The following OC90 variants were observed in gnomAD, a reference collection of about 807,000 sequenced individuals.
OC90 encodes otoconin-90.
In OC90, 46 loss-of-function variants were observed where a neutral mutation model predicts 47.3. That is an observed-to-expected ratio of 0.97 (90% CI 0.77 to 1.24). The LOEUF (loss-of-function observed/expected upper bound fraction) is 1.24, where lower values mean the gene tolerates loss of function less well. OC90 is among the 50% of genes most tolerant of loss of function. OC90 has a pLI of 0.00. For synonymous variants in OC90, 271 were observed against 219.5 expected (o/e 1.23, Z -2.07); for missense variants, 688 against 583.9 (o/e 1.18, Z -1.84).
chr8:132,028,651 G>GAATA (rs1822810100), intron 13 of OC90, among the ~76,000 whole-genome samples: 1 of 122,138 alleles, frequency 8.2e-6, no homozygotes, highest in African/African-American at 3.4e-5. Context: ...AGGAAGGAAG[G>GAATA]AAGAAAGAAA....
rs929330413 is a variant in OC90 at position 132,058,407 on chromosome 8, G to A, written c.-48+934C>T. ...GTGCTGTCCTTGTGGGCCTGAGAAGGCTCCCGAAGCCTCGCCTTGGTCTGC... is the reference window on the plus strand; with the variant it reads ...GTGCTGTCCTTGTGGGCCTGAGAAGACTCCCGAAGCCTCGCCTTGGTCTGC... On this transcript the variant is annotated intron_variant, in intron 1 of 13. Transcript: ENST00000254627. Among the ~76,000 whole-genome samples, 3 of 152,154 alleles carry A rather than the reference G, an allele frequency of 2.0e-5. No homozygotes were observed. The South Asian group carries it at 6.2e-4, about 32-fold the overall frequency.
At chr8:132,058,551 G>A (rs1823304910) in intron 1 of OC90, among the ~76,000 whole-genome samples, 1 of 152,246 alleles carries the variant, frequency 6.6e-6, no homozygotes, top group Admixed American at 6.5e-5. Flanking sequence ...TGGGGTCAGG[G>A]AGTTCAGGCT....
Position 132,039,010 on chromosome 8 carries a change from G to A in OC90, c.571C>T (p.Leu191=). 1 of 1,613,974 alleles carries A rather than the reference G, an allele frequency of 6.2e-7. No homozygotes were observed. Among genetic ancestry groups the A allele is most frequent in the Non-Finnish European group, 8.5e-7 (1 of 1,179,894 alleles). ...TTCTTCCTACCTGGAGTCTGAGCCAGGCAGAAGGAGGTGTCCAGAAGGTTC... is the reference window on the plus strand; with the variant it reads ...TTCTTCCTACCTGGAGTCTGAGCCAAGCAGAAGGAGGTGTCCAGAAGGTTC... The part of the protein sequence containing the change: ...SLNLLDTSFC[L]AQTPETTIKE... The change falls in exon 7 of 14, where the codon CTG becomes TTG. Residue 191 remains leucine, a synonymous_variant. Coordinates refer to ENST00000254627, the MANE Select transcript of OC90 (RefSeq NM_001080399.3).
At chr8:132,042,994 G>A (rs997593961) in intron 4 of OC90, among the ~76,000 whole-genome samples, 1 of 152,184 alleles carries the variant, frequency 6.6e-6, no homozygotes, top group Non-Finnish European at 1.5e-5. Flanking sequence ...ATTCACAATA[G>A]CAAAGACATG....
chr8:132,038,977 C>T lies in OC90; in HGVS notation c.586+18G>A. The stretch of plus-strand genomic sequence containing the variant: ...CAGATCCTCAGCCCCACGGCTGATG[C>T]AGCCAGGTTCTTCCTACCTGGAGTC... On this transcript the variant is annotated intron_variant, in intron 7 of 13. Transcript: ENST00000254627. The T allele has an allele frequency of 6.8e-6, 11 of 1,613,934 alleles. No homozygotes were observed. Among genetic ancestry groups the T allele is most frequent in the South Asian group, 1.1e-5 (1 of 91,082 alleles).
In OC90 at chr8:132,031,873, C is replaced by T; in HGVS notation, c.1031+8G>A. 1 of 1,613,290 alleles carries T rather than the reference C, an allele frequency of 6.2e-7. No homozygotes were observed. The highest frequency in any genetic ancestry group is 8.5e-7 in the Non-Finnish European group (1 of 1,179,496). On this transcript the variant is annotated splice_region_variant and intron_variant, in intron 12 of 13. Transcript: ENST00000254627. ...TACACCAGAGCTGTCACCGCTGGCT[C>T]TCCATACCTGTCTAGGTCATCCCTT... is the stretch of plus-strand genomic sequence containing the variant.
intron 12 of OC90, among the ~76,000 whole-genome samples, chr8:132,030,139 T>A (rs890266917): frequency 6.6e-6 from 1 of 152,210 alleles, no homozygotes; most frequent in Non-Finnish European, 1.5e-5. Context: ...CACAATCTTG[T>A]GTGTGTATTT....
At chr8:132,029,589 C>A (rs1393667898) in intron 12 of OC90, among the ~76,000 whole-genome samples, 1 of 152,130 alleles carries the variant, frequency 6.6e-6, no homozygotes, top group South Asian at 2.1e-4. Context: ...TTACTCCCTC[C>A]AATCTTTGAC....
chr8:132,031,923 C>G lies in OC90; in HGVS notation c.989G>C (p.Cys330Ser). ...PEEFESYGCY[C>S]GQEGRGEPRD... ...TGGCTCGCCTCTTCCTTCTTGTCCA[C>G]AGTAACAGCCATAAGACTCAAATTC... The change falls in exon 12 of 14, where the codon TGT (cysteine) becomes TCT (serine). Residue 330 changes from cysteine to serine, a missense_variant. Coordinates refer to ENST00000254627, the MANE Select transcript of OC90 (RefSeq NM_001080399.3). 6.2e-7 allele frequency: 1 copy of G among 1,614,040 alleles called. No individual in the cohort carries two copies. The highest frequency in any genetic ancestry group is 1.3e-5 in the African/African-American group (1 of 75,064).
rs912150042 is a variant in OC90 at position 132,036,279 on chromosome 8, G to C, written c.679+1159C>G. The C allele has an allele frequency of 1.3e-5, 10 of 759,580 alleles. No homozygotes were observed. In the Admixed American group the frequency reaches 1.8e-4, roughly 14 times the overall value. 47.1% of individuals were successfully genotyped at this position (759,580 alleles called of 1,614,324 possible). A position where few individuals can be genotyped will look rare whatever the true frequency, so the allele number is the denominator to read the frequency against. On this transcript the variant is annotated intron_variant, in intron 9 of 13. Coordinates refer to ENST00000254627, the MANE Select transcript of OC90 (RefSeq NM_001080399.3). ...TATTTATTTCAGGTTCCATTAAGAA[G>C]TGGTCACAGGACTGAGCACAGATTT...
rs1822797031 is a variant in OC90 at position 132,028,526 on chromosome 8, A to AAAGAAAGAAAGAAAGAAAGAAAG, written c.1138+546_1138+547insCTTTCTTTCTTTCTTTCTTTCTT. Among the ~76,000 whole-genome samples the AAAGAAAGAAAGAAAGAAAGAAAG allele has an allele frequency of 2.3e-5, 2 of 87,470 alleles. 1 individual carries two copies. The highest frequency in any genetic ancestry group is 2.7e-4 in the Admixed American group (2 of 7,342). 57.4% of individuals were successfully genotyped at this position (87,470 alleles called of 152,430 possible). A position where few individuals can be genotyped will look rare whatever the true frequency, so the allele number is the denominator to read the frequency against. On this transcript the variant is annotated intron_variant, in intron 13 of 13. Transcript: ENST00000254627. ...GAAAGAAAAAGAAAAAGAAAGAAAG[A>AAAGAAAGAAAGAAAGAAAGAAAG]AAAGAAAGAAAGAAAGAAAGAAAGA...
Position 132,041,708 on chromosome 8 carries a change from GT to G in OC90, c.170-10del. 5.3e-6 allele frequency: 8 copies of G among 1,496,974 alleles called. No individual in the cohort carries two copies. The highest frequency in any genetic ancestry group is 3.4e-5 in the Admixed American group (2 of 58,160). The allele number at this position is 1,496,974 out of a possible 1,614,324, so 92.7% of individuals were successfully genotyped here. A position where few individuals can be genotyped will look rare whatever the true frequency, so the allele number is the denominator to read the frequency against. ...GTGGGGGCCCAGGCAATCTGTGGGG[GT>G]GGGGGGCAGGGCCTGATAAGCACTG... On this transcript the variant is annotated splice_polypyrimidine_tract_variant and intron_variant, in intron 4 of 13. Transcript: ENST00000254627.
chr8:132,052,532 A>C (rs1476689716), intron 2 of OC90, among the ~76,000 whole-genome samples: 1 of 152,158 alleles, frequency 6.6e-6, no homozygotes, highest in African/African-American at 2.4e-5. Flanking sequence ...GTGCTTTCTC[A>C]CCCACACTCA....
At chr8:132,051,101 T>G (rs1218058120) in intron 2 of OC90, among the ~76,000 whole-genome samples, 1 of 152,174 alleles carries the variant, frequency 6.6e-6, no homozygotes, top group Non-Finnish European at 1.5e-5. Context: ...CAACAGGGTT[T>G]AAAGAGATCT....
chr8:132,038,175 C>A (rs1176925748), intron 8 of OC90, among the ~76,000 whole-genome samples: 1 of 152,180 alleles, frequency 6.6e-6, no homozygotes, highest in African/African-American at 2.4e-5. Flanking sequence ...ACCTGACTCC[C>A]ATTTTTGGCA....
At chr8:132,049,589 G>C (rs901294928) in intron 2 of OC90, among the ~76,000 whole-genome samples, 1 of 152,216 alleles carries the variant, frequency 6.6e-6, no homozygotes, top group Non-Finnish European at 1.5e-5. Flanking sequence ...AGATGTAAAA[G>C]TGTGTCTGCT....
At chr8:132,038,736 C>A in intron 8 of OC90, 54 bp downstream of exon 8, 2 of 1,428,246 alleles carry the variant, frequency 1.4e-6, no homozygotes, top group South Asian at 2.3e-5. Context: ...CACCGGCTCC[C>A]ATCAGCATCT....
At chr8:132,048,180 C>T (rs377731251) in intron 2 of OC90, among the ~76,000 whole-genome samples, 8 of 152,294 alleles carry the variant, frequency 5.3e-5, no homozygotes, top group African/African-American at 1.9e-4. Flanking sequence ...ATTACCCAGT[C>T]TGTGGGATTT....
chr8:132,031,594 T>A (rs775375131), intron 12 of OC90, among the ~76,000 whole-genome samples: 13 of 152,208 alleles, frequency 8.5e-5, no homozygotes, highest in Non-Finnish European at 1.3e-4. Flanking sequence ...GCAGTATTTG[T>A]CAAAGTACTG....
Sources: allele counts gnomAD v4.1 joint callset (sites outside exome capture counted in the v4.1 genomes callset), GRCh38; gene constraint gnomAD v4.1.1; transcripts MANE v1.5; gene names NCBI Gene and HGNC (gene_info 2026-07-23, HGNC 2026-07-21).